The following CLIC5 variants were observed in gnomAD, a reference collection of about 807,000 sequenced individuals.
CLIC5 encodes the protein CLIC family member 5.
In CLIC5, 20 loss-of-function variants were observed where a neutral mutation model predicts 24.7. The observed-to-expected ratio is 0.81, with a 90% CI of 0.57 to 1.18. The LOEUF (loss-of-function observed/expected upper bound fraction) is 1.18, where lower values mean the gene tolerates loss of function less well. Among genes scored for constraint, CLIC5 ranks in the 50% most tolerant of loss-of-function variants. CLIC5 has a pLI of 0.00. For missense variants in CLIC5, 341 were observed against 326.1 expected (o/e 1.05, Z -0.35); for synonymous variants, 159 against 135.6 (o/e 1.17, Z -1.20).
rs1446493409 is a variant in CLIC5, at chr6:45,958,447, T to TACACACACACAC, written c.64-3204_64-3203insGTGTGTGTGTGT. Among the ~76,000 whole-genome samples, 47 of 72,268 alleles carry TACACACACACAC rather than the reference T, an allele frequency of 6.5e-4. 6 individuals carry two copies. The highest frequency in any genetic ancestry group is 2.2e-3 in the African/African-American group (43 of 19,934). 47.4% of individuals were successfully genotyped at this position (72,268 alleles called of 152,430 possible). On this transcript the variant is annotated intron_variant, in intron 1 of 5. Coordinates refer to ENST00000339561, the MANE Select transcript of CLIC5 (RefSeq NM_016929.5). ...TTATATATATATATATATATATATATATATATATATATATATATATATATA... is the reference window on the plus strand; with the variant it reads ...TTATATATATATATATATATATATATACACACACACACATATATATATATATATATATATATA...
At chr6:45,942,692 A>C (rs1561952036) in intron 3 of CLIC5, among the ~76,000 whole-genome samples, 2 of 152,224 alleles carry the variant, frequency 1.3e-5, no homozygotes, top group African/African-American at 4.8e-5. Flanking sequence ...ACAAGACTTT[A>C]AAAAATATTT....
At chr6:46,030,188 C>A (rs1397120756) in intron 1 of CLIC5, among the ~76,000 whole-genome samples, 1 of 152,142 alleles carries the variant, frequency 6.6e-6, no homozygotes. Context: ...AGTGCACTAC[C>A]AATTTCTTCC....
chr6:45,919,820 A>T (rs1265935129), intron 4 of CLIC5, among the ~76,000 whole-genome samples: 1 of 152,212 alleles, frequency 6.6e-6, no homozygotes, highest in East Asian at 1.9e-4. Flanking sequence ...CTTTTACAGA[A>T]ATCCTAATCT....
chr6:45,920,670 G>A, intron 4 of CLIC5: 18 of 980,074 alleles, frequency 1.8e-5, no homozygotes, highest in Non-Finnish European at 2.2e-5. Context: ...GGAAGAAGAA[G>A]CCTTTCTTTC....
chr6:45,927,773 A>G (rs1299801506), intron 4 of CLIC5, among the ~76,000 whole-genome samples: 3 of 152,202 alleles, frequency 2.0e-5, no homozygotes, highest in Admixed American at 1.3e-4. Flanking sequence ...CTGTGAAACT[A>G]GAATTCAAAG....
chr6:46,003,241 G>T (rs1277358463), intron 1 of CLIC5, among the ~76,000 whole-genome samples: 1 of 152,182 alleles, frequency 6.6e-6, no homozygotes, highest in Admixed American at 6.5e-5. Flanking sequence ...AAAATGCAAA[G>T]ACACCACTCA....
rs1762503181 is a variant in CLIC5 at position 45,901,216 on chromosome 6, C to T, written c.*1872G>A. Reference sequence around the variant, plus strand: ...CTCACCAGTTCTCCTTGTTAAACATCTCCAGGGCACAATTTCCAGGGGGAC... The same window carrying T: ...CTCACCAGTTCTCCTTGTTAAACATTTCCAGGGCACAATTTCCAGGGGGAC... On this transcript the variant is annotated 3_prime_UTR_variant, in exon 6 of 6. Coordinates refer to ENST00000339561, the MANE Select transcript of CLIC5 (RefSeq NM_016929.5). 6.6e-6 allele frequency: 1 copy of T among 152,100 alleles called. No individual in the cohort carries two copies. Among genetic ancestry groups the T allele is most frequent in the African/African-American group, 2.4e-5 (1 of 41,408 alleles). The allele number at this position is 152,100 out of a possible 1,614,324, so 9.4% of individuals were successfully genotyped here.
chr6:45,909,582 T>C (rs1173235448), intron 5 of CLIC5, among the ~76,000 whole-genome samples: 1 of 152,244 alleles, frequency 6.6e-6, no homozygotes, highest in Admixed American at 6.5e-5. Flanking sequence ...TTTCTTTCTT[T>C]AAGAATGCTG....
chr6:45,962,716 A>G (rs1424958769), intron 1 of CLIC5, among the ~76,000 whole-genome samples: 1 of 152,162 alleles, frequency 6.6e-6, no homozygotes, highest in Non-Finnish European at 1.5e-5. Context: ...TCCCCTCCCA[A>G]AAGAACTTGT....
At chr6:46,007,660 T>C (rs912133170) in intron 1 of CLIC5, among the ~76,000 whole-genome samples, 15 of 152,206 alleles carry the variant, frequency 9.9e-5, no homozygotes, top group Non-Finnish European at 7.3e-5. Context: ...TTTATCTCAC[T>C]ACTCTTCCTT....
At chr6:46,119,511 G>A in the CLIC5 span, among the ~76,000 whole-genome samples, 14 of 152,196 alleles carry the variant, frequency 9.2e-5, no homozygotes, top group African/African-American at 2.2e-4. Context: ...CGTGAGCGAC[G>A]CAGAAGATGG....
At chr6:46,085,105 G>A (rs921939070), upstream of CLIC5, among the ~76,000 whole-genome samples, 7 of 152,174 alleles carry the variant, frequency 4.6e-5, no homozygotes, top group Admixed American at 4.6e-4. Flanking sequence ...TAGTTCTGGA[G>A]CCTTGGCTTT....
At chr6:45,972,002 C>T (rs1765216686) in intron 1 of CLIC5, among the ~76,000 whole-genome samples, 1 of 152,074 alleles carries the variant, frequency 6.6e-6, no homozygotes, top group Non-Finnish European at 1.5e-5. Flanking sequence ...TGATACAGTT[C>T]AGGGCCAGAC....
In CLIC5 at chr6:45,902,578, C is replaced by T. The variant is rs1471829063; in HGVS notation, c.*510G>A. 1 of 155,512 alleles carries T rather than the reference C, an allele frequency of 6.4e-6. No homozygotes were observed. The highest frequency in any genetic ancestry group is 2.4e-5 in the African/African-American group (1 of 41,466). 9.6% of individuals were successfully genotyped at this position (155,512 alleles called of 1,614,324 possible). A position where few individuals can be genotyped will look rare whatever the true frequency, so the allele number is the denominator to read the frequency against. ...TGAGACTGAAGCTGTGTTTGCCAGA[C>T]ACCCAAGTCCATAGCCAGCTCGGTA... On this transcript the variant is annotated 3_prime_UTR_variant, in exon 6 of 6. Transcript: ENST00000339561.
chr6:46,081,663 G>T (rs772785084), upstream of CLIC5, among the ~76,000 whole-genome samples: 2 of 152,172 alleles, frequency 1.3e-5, no homozygotes, highest in East Asian at 3.8e-4. Flanking sequence ...ATGGATTCCA[G>T]TTCAAATCTT....
chr6:45,903,133 G>A lies in CLIC5; in HGVS notation c.711C>T (p.Ile237=), dbSNP rs755770652. Residue 237 remains isoleucine (I), a synonymous_variant, in exon 6 of 6, where the codon ATC becomes ATT. Coordinates refer to ENST00000339561, the MANE Select transcript of CLIC5 (RefSeq NM_016929.5). ...FTNTCAADSE[I]ELAYADVAKR... ...TGGCGACATCAGCGTAGGCCAACTC[G>A]ATCTCACTGTCAGCTGCACAGGTGT... is the stretch of plus-strand genomic sequence containing the variant. 28 of 1,614,082 alleles carry A rather than the reference G, an allele frequency of 1.7e-5. No individual in the cohort carries two copies. The highest frequency in any genetic ancestry group is 8.8e-5 in the South Asian group (8 of 91,086).
intron 1 of CLIC5, among the ~76,000 whole-genome samples, chr6:46,046,862 AAT>A (rs1460222319): frequency 1.3e-5 from 2 of 152,136 alleles, no homozygotes; most frequent in Admixed American, 6.5e-5. Context: ...TTGACAATTT[AAT>A]AATCACGATG....
Position 46,072,183 on chromosome 6 carries a change from T to C in CLIC5, c.540+7520A>G, listed in dbSNP as rs188276310. Among the ~76,000 whole-genome samples, 154 of 141,354 alleles carry C rather than the reference T, an allele frequency of 1.1e-3. No individual in the cohort carries two copies. The East Asian group carries it at 0.02, about 18-fold the overall frequency. The allele number at this position is 141,354 out of a possible 152,430, so 92.7% of individuals were successfully genotyped here. A position where few individuals can be genotyped will look rare whatever the true frequency, so the allele number is the denominator to read the frequency against. The stretch of plus-strand genomic sequence containing the variant: ...AAATAATCTGTACAACAAACCCCCA[T>C]AACACAAATTTACCTATATAACAAA... On this transcript the variant is annotated intron_variant, in intron 1 of 5. Coordinates refer to the CLIC5 transcript ENST00000185206.
the CLIC5 span, among the ~76,000 whole-genome samples, chr6:46,100,225 T>C: frequency 6.6e-6 from 1 of 152,132 alleles, no homozygotes; most frequent in Non-Finnish European, 1.5e-5. Flanking sequence ...AGGTCAGAGC[T>C]GCAATGCATG....
Sources: gnomAD v4.1 joint callset for allele counts (sites outside exome capture counted in the v4.1 genomes callset) on GRCh38, gnomAD v4.1.1 for gene constraint, MANE v1.5 for transcripts, NCBI Gene and HGNC (gene_info 2026-07-23, HGNC 2026-07-21) for gene names.